NDUFB8: variants seen among roughly 807,000 people sequenced by gnomAD.
The protein encoded by NDUFB8 is NADH:ubiquinone oxidoreductase subunit B8.
In NDUFB8, 17 loss-of-function variants were observed where a neutral mutation model predicts 26.0. The ratio of observed to expected loss-of-function variants is 0.65; its 90% CI spans 0.45 to 0.98. The LOEUF (loss-of-function observed/expected upper bound fraction) is 0.98. Among genes scored for constraint, NDUFB8 ranks in the 50% least tolerant of loss-of-function variants. The pLI is 0.00. For missense variants in NDUFB8, 238 were observed against 255.0 expected (o/e 0.93, Z 0.45); for synonymous variants, 89 against 93.1 (o/e 0.96, Z 0.25).
At chr10:100,529,310 G>A in intron 2 of NDUFB8, 70 bp downstream of exon 2, 4 of 1,442,158 alleles carry the variant, frequency 2.8e-6, no homozygotes, top group Non-Finnish European at 3.7e-6. Flanking sequence ...AAGGGTCACA[G>A]TCAAGCCACC....
intron 3 of NDUFB8, 118 bp downstream of exon 3, chr10:100,526,857 C>A: frequency 1.0e-6 from 1 of 975,608 alleles, no homozygotes. Context: ...ATCACTGGAC[C>A]TTGCTTCCTT....
At chr10:100,529,269 A>C in intron 2 of NDUFB8, 111 bp downstream of exon 2, 1 of 881,216 alleles carries the variant, frequency 1.1e-6, no homozygotes, top group Non-Finnish European at 1.4e-6. Flanking sequence ...CACTCCATTG[A>C]CTCTGAGGGG....
chr10:100,523,742 A>C lies in NDUFB8; in HGVS notation c.*95T>G. On this transcript the variant is annotated 3_prime_UTR_variant, in exon 5 of 5. Coordinates refer to ENST00000299166, the MANE Select transcript of NDUFB8 (RefSeq NM_005004.4). Reference sequence around the variant, plus strand: ...TTCCTGGGGAAATGAGGCACAAATAACACAGCACTGAGTTTTATTAGGGAT... The same window carrying C: ...TTCCTGGGGAAATGAGGCACAAATACCACAGCACTGAGTTTTATTAGGGAT... 1 of 1,194,514 alleles carries C rather than the reference A, an allele frequency of 8.4e-7. No homozygotes were observed. The highest frequency in any genetic ancestry group is 1.2e-6 in the Non-Finnish European group (1 of 830,112). 74.0% of individuals were successfully genotyped at this position (1,194,514 alleles called of 1,614,324 possible). A position where few individuals can be genotyped will look rare whatever the true frequency, so the allele number is the denominator to read the frequency against.
rs752651050 is a variant in NDUFB8 at position 100,526,409 on chromosome 10, T to C, written c.458A>G (p.Tyr153Cys). The change falls in exon 4 of 5, where the codon TAC becomes TGC. Residue 153 changes from tyrosine to cysteine, a missense_variant. Physicochemically the swap from Tyr to Cys is radical, Grantham distance 194. Coordinates refer to ENST00000299166, the MANE Select transcript of NDUFB8 (RefSeq NM_005004.4). ...TTCTCGGATACTCACCACAGGCTGG[T>C]AGACAGGGTACACGTCCCCCACCCA... is the stretch of plus-strand genomic sequence containing the variant. ...MCWVGDVYPV[Y>C]QPVGPKQYPY... 6.4e-5 allele frequency: 102 copies of C among 1,597,918 alleles called. No homozygotes were observed. Among genetic ancestry groups the C allele is most frequent in the Non-Finnish European group, 8.6e-5 (101 of 1,175,642 alleles).
At chr10:100,529,301 A>G in intron 2 of NDUFB8, 79 bp downstream of exon 2, 21 of 1,313,028 alleles carry the variant, frequency 1.6e-5, no homozygotes, top group South Asian at 6.5e-5. Flanking sequence ...TTCGGGAAAA[A>G]GGGTCACAGT....
Position 100,523,787 on chromosome 10 carries a change from T to C in NDUFB8, c.*50A>G. 1 of 1,514,626 alleles carries C rather than the reference T, an allele frequency of 6.6e-7. No homozygotes were observed. The highest frequency in any genetic ancestry group is 9.1e-7 in the Non-Finnish European group (1 of 1,095,500). The allele number at this position is 1,514,626 out of a possible 1,614,324, so 93.8% of individuals were successfully genotyped here. ...AGGGATTTCATTAAGGTTAAATTTC[T>C]AGGAATGAGGGAGTCCTAGTTAGAG... On this transcript the variant is annotated 3_prime_UTR_variant, in exon 5 of 5. Transcript: ENST00000299166.
intron 4 of NDUFB8, chr10:100,526,159 C>G (rs1852046334): frequency 2.6e-6 from 1 of 387,546 alleles, no homozygotes; most frequent in Non-Finnish European, 4.6e-6. Flanking sequence ...TTTCCACACA[C>G]TCATTGCTCA....
rs374649310 is a variant in NDUFB8, at chr10:100,529,341, C to T, written c.212+39G>A. ...CCACCCAACCCAGCCGGCCTTCTCCCATCACTACTTGGGTGCGAGCATACC... is the reference window on the plus strand; with the variant it reads ...CCACCCAACCCAGCCGGCCTTCTCCTATCACTACTTGGGTGCGAGCATACC... On this transcript the variant is annotated intron_variant, in intron 2 of 4. Transcript: ENST00000299166. 7.9e-5 allele frequency: 122 copies of T among 1,535,728 alleles called. No homozygotes were observed. In the Middle Eastern group the frequency reaches 1.0e-3, roughly 13 times the overall value.
In NDUFB8 at chr10:100,523,909, G is replaced by T; in HGVS notation, c.489C>A (p.Tyr163Ter). The T allele has an allele frequency of 2.0e-5, 33 of 1,614,120 alleles. No individual in the cohort carries two copies. Among genetic ancestry groups the T allele is most frequent in the Non-Finnish European group, 2.6e-5 (31 of 1,180,030 alleles). Residue 163 changes from tyrosine (Y) to a stop codon, truncating the protein, a stop_gained, in exon 5 of 5, where the codon TAC becomes TAA. Transcript: ENST00000299166. LOFTEE classifies it high-confidence loss of function. ...YQPVGPKQYP[Y>*]NNLYLERGGD... The stretch of plus-strand genomic sequence containing the variant: ...CGCCTCGTTCCAGGTACAGATTATT[G>T]TAAGGATACTGCTTTGGTCCCTACA...
intron 2 of NDUFB8, 48 bp from the exon 3 acceptor site, chr10:100,527,122 CAA>C: frequency 6.9e-7 from 1 of 1,458,632 alleles, no homozygotes; most frequent in South Asian, 1.1e-5. Flanking sequence ...CAGCCTCAGA[CAA>C]TTCAGAGTCT....
intron 4 of NDUFB8, 122 bp downstream of exon 4, chr10:100,526,277 T>C: frequency 1.7e-6 from 2 of 1,184,576 alleles, no homozygotes; most frequent in Non-Finnish European, 1.1e-6. Context: ...CCTATCTTCC[T>C]ATCTCCTAAG....
Position 100,524,862 on chromosome 10 carries a change from C to T in NDUFB8, c.469-933G>A, listed in dbSNP as rs1266626350. Among the ~76,000 whole-genome samples, 2 of 152,218 alleles carry T rather than the reference C, an allele frequency of 1.3e-5. No homozygotes were observed. Among genetic ancestry groups the T allele is most frequent in the Non-Finnish European group, 2.9e-5 (2 of 68,026 alleles). On this transcript the variant is annotated intron_variant, in intron 4 of 4. Transcript: ENST00000299166. This position sits in a 1 kb window ranked among gnomAD's most constrained non-coding sequence, Gnocchi z 4.0. ...CCTGCCACCTAGAGGCAGACCAAGT[C>T]ATCACTGTATCCCCAACCGCTAGCA... is the stretch of plus-strand genomic sequence containing the variant.
At chr10:100,525,143 C>G (rs561944915) in intron 4 of NDUFB8, among the ~76,000 whole-genome samples, 2 of 152,256 alleles carry the variant, frequency 1.3e-5, no homozygotes, top group East Asian at 3.9e-4. Flanking sequence ...AGAAGTGGGG[C>G]CTGGGAATCT....
In NDUFB8 at chr10:100,526,993, C is replaced by G; in HGVS notation, c.294G>C (p.Arg98Ser). The change falls in exon 3 of 5, where the codon AGG becomes AGC. Residue 98 changes from arginine (R) to serine (S), a missense_variant. By Grantham distance (110) the Arg-to-Ser change is moderately radical. Coordinates refer to ENST00000299166, the MANE Select transcript of NDUFB8 (RefSeq NM_005004.4). ...CTCTTACCGGTTCACCCCAGTTCAA[C>G]CTCAGGCCCGGCTGGTCCCAGCTAT... ...PWYSWDQPGL[R>S]LNWGEPMHWH... 6.2e-7 allele frequency: 1 copy of G among 1,614,194 alleles called. No homozygotes were observed. The highest frequency in any genetic ancestry group is 8.5e-7 in the Non-Finnish European group (1 of 1,180,022).
chr10:100,528,940 A>T (rs75599022), intron 2 of NDUFB8: 1 of 152,958 alleles, frequency 6.5e-6, no homozygotes, highest in African/African-American at 2.4e-5. Flanking sequence ...ACAGAAAAAC[A>T]TTTTTTTTAA....
rs1444411732 is a variant in NDUFB8 at position 100,524,206 on chromosome 10, G to A, written c.469-277C>T. The A allele has an allele frequency of 1.5e-6, 2 of 1,362,140 alleles. No individual in the cohort carries two copies. Among genetic ancestry groups the A allele is most frequent in the Non-Finnish European group, 2.1e-6 (2 of 974,910 alleles). 84.4% of individuals were successfully genotyped at this position (1,362,140 alleles called of 1,614,324 possible). On this transcript the variant is annotated intron_variant, in intron 4 of 4. Transcript: ENST00000299166. This position sits in a 1 kb window ranked among gnomAD's most constrained non-coding sequence, Gnocchi z 4.0. The stretch of plus-strand genomic sequence containing the variant: ...GAAAGGAGGGGAAGGGAGGAAGACA[G>A]GGAGGGAGGTAAAGAAAGAGAGAAG...
rs1269461771 is a variant in NDUFB8 at position 100,526,015 on chromosome 10, AGG to A, written c.468+382_468+383del. On this transcript the variant is annotated intron_variant, in intron 4 of 4. Transcript: ENST00000299166. ...CTCTTAATTGCTTCCAATATACTAC[AGG>A]ACGTGCCCTTCACAAGTCCAACAAA... is the stretch of plus-strand genomic sequence containing the variant. The A allele has an allele frequency of 2.9e-5, 5 of 171,850 alleles. No homozygotes were observed. In the South Asian group the frequency reaches 7.7e-4, roughly 27 times the overall value. The allele number at this position is 171,850 out of a possible 1,614,324, so 10.6% of individuals were successfully genotyped here. A position where few individuals can be genotyped will look rare whatever the true frequency, so the allele number is the denominator to read the frequency against.
At chr10:100,526,797 T>C (rs543045406) in intron 3 of NDUFB8, 178 bp downstream of exon 3, 1 of 734,782 alleles carries the variant, frequency 1.4e-6, no homozygotes, top group East Asian at 2.7e-5. Context: ...CAGAGTTTCA[T>C]GATTCCCAGA....
intron 4 of NDUFB8, 46 bp from the exon 5 acceptor site, chr10:100,523,975 AC>A (rs1194388132): frequency 8.7e-6 from 14 of 1,612,486 alleles, no homozygotes; most frequent in Admixed American, 3.3e-5. Context: ...TTCAGTCAAT[AC>A]CTGGCTACAC....
Sources: allele counts gnomAD v4.1 joint callset (sites outside exome capture counted in the v4.1 genomes callset), GRCh38; gene constraint gnomAD v4.1.1; non-coding constraint Gnocchi (gnomAD v3.1); transcripts MANE v1.5; gene names NCBI Gene and HGNC (gene_info 2026-07-23, HGNC 2026-07-21).